ATP5F1A: variants seen among roughly 807,000 people sequenced by gnomAD.
ATP5F1A encodes the protein ATP synthase F1 subunit alpha.
Under a neutral mutation model 57.4 loss-of-function variants are expected in ATP5F1A, and 24 were observed. That is an observed-to-expected ratio of 0.42 (90% CI 0.30 to 0.59). ATP5F1A has a LOEUF of 0.59. ATP5F1A is among the 20% of genes least tolerant of loss of function. ATP5F1A has a pLI of 0.19. For missense variants in ATP5F1A, 494 were observed against 707.9 expected (o/e 0.70, Z 3.43); for synonymous variants, 251 against 255.5 (o/e 0.98, Z 0.17).
At chr18:46,100,704 T>G (rs894110337), upstream of ATP5F1A, among the ~76,000 whole-genome samples, 8 of 152,224 alleles carry the variant, frequency 5.3e-5, no homozygotes, top group African/African-American at 1.9e-4. Context: ...AAGTTTTGAT[T>G]GGCAAGTAAT....
chr18:46,091,547 T>C (rs1448733749), intron 3 of ATP5F1A, 135 bp downstream of exon 3: 7 of 965,352 alleles, frequency 7.3e-6, no homozygotes, highest in Admixed American at 3.3e-5. Context: ...TTACAATCTA[T>C]GATAATAACA....
chr18:46,091,948 A>G (rs552921694), intron 2 of ATP5F1A, 97 bp from the exon 3 acceptor site: 1 of 1,188,428 alleles, frequency 8.4e-7, no homozygotes, highest in Admixed American at 2.8e-5. Context: ...TGAGGCAGGC[A>G]GATCACCTAA....
At chr18:46,092,273 CAA>C (rs1910622377) in intron 2 of ATP5F1A, 1 of 150,686 alleles carries the variant, frequency 6.6e-6, no homozygotes. Flanking sequence ...TTCTCAACAA[CAA>C]AAAACTAGTT....
upstream of ATP5F1A, chr18:46,098,362 A>AGGGGGGGGGGGGGGGGGGGGGGGGG: frequency 1.6e-6 from 2 of 1,281,404 alleles, no homozygotes; most frequent in Middle Eastern, 2.9e-4. Context: ...CCTCGCGTTC[A>AGGGGGGGGGGGGGGGGGGGGGGGGG]CCACCTCTCC....
At position 46,082,488 on chromosome 18, in the gene ATP5F1A, A is replaced by G. The variant is rs1260864789; in HGVS notation, c.*1794T>C. The G allele has an allele frequency of 2.0e-5, 3 of 151,448 alleles. No individual in the cohort carries two copies. 9.4% of individuals were successfully genotyped at this position (151,448 alleles called of 1,614,324 possible). ...ATCACAAGGTCAGGAGTTCGAGACC[A>G]GCCTGGCCAATATGGTGAAACCCCG... is the stretch of plus-strand genomic sequence containing the variant. On this transcript the variant is annotated 3_prime_UTR_variant, in exon 12 of 12. Coordinates refer to ENST00000398752, the MANE Select transcript of ATP5F1A (RefSeq NM_004046.6).
At position 46,087,348 on chromosome 18, in the gene ATP5F1A, G is replaced by A; in HGVS notation, c.944C>T (p.Ser315Phe). 6.2e-7 allele frequency: 1 copy of A among 1,614,056 alleles called. No homozygotes were observed. The highest frequency in any genetic ancestry group is 1.3e-5 in the African/African-American group (1 of 74,990). ...KHALIIYDDL[S>F]KQAVAYRQMS... ...AAATTTATTTCCTTTGACCTGTTTG[G>A]ATAAGTCGTCATAGATGATCAAAGC... Residue 315 changes from serine to phenylalanine, a missense_variant, in exon 7 of 12, where the codon TCC becomes TTC. Coordinates refer to ENST00000398752, the MANE Select transcript of ATP5F1A (RefSeq NM_004046.6).
At chr18:46,087,535 A>C (rs774229570) in intron 6 of ATP5F1A, 43 bp from the exon 7 acceptor site, 1 of 1,595,224 alleles carries the variant, frequency 6.3e-7, no homozygotes, top group South Asian at 1.1e-5. Flanking sequence ...TTGTGGTTTT[A>C]AATTGGAGGC....
intron 2 of ATP5F1A, among the ~76,000 whole-genome samples, chr18:46,093,984 G>C (rs183954583): frequency 6.6e-6 from 1 of 151,850 alleles, no homozygotes; most frequent in Non-Finnish European, 1.5e-5. Flanking sequence ...GTGGGCACCT[G>C]TAATCCCACC....
At position 46,081,266 on chromosome 18, in the gene ATP5F1A, G is replaced by A. The variant is rs1172435616; in HGVS notation, c.*3016C>T. The A allele has an allele frequency of 2.7e-5, 4 of 150,690 alleles. No individual in the cohort carries two copies. Among genetic ancestry groups the A allele is most frequent in the Non-Finnish European group, 5.9e-5 (4 of 67,858 alleles). 9.3% of individuals were successfully genotyped at this position (150,690 alleles called of 1,614,324 possible). On this transcript the variant is annotated 3_prime_UTR_variant, in exon 12 of 12. Transcript: ENST00000398752. ...CATTTACGTGCCAGGAGTGGGCTACGAGATCCAGTCAACAAACAAACAATA... is the reference window on the plus strand; with the variant it reads ...CATTTACGTGCCAGGAGTGGGCTACAAGATCCAGTCAACAAACAAACAATA...
intron 7 of ATP5F1A, 35 bp downstream of exon 7, chr18:46,087,306 A>T: frequency 6.2e-7 from 1 of 1,612,762 alleles, no homozygotes; most frequent in East Asian, 2.2e-5. Flanking sequence ...ACTTCAGTAC[A>T]AATAAATGGA....
In ATP5F1A at chr18:46,087,401, T is replaced by C. The variant is rs560164970; in HGVS notation, c.891A>G (p.Gly297=). 1 of 1,614,092 alleles carries C rather than the reference T, an allele frequency of 6.2e-7. No homozygotes were observed. The highest frequency in any genetic ancestry group is 1.3e-5 in the African/African-American group (1 of 75,000). Residue 297 remains glycine, a synonymous_variant, in exon 7 of 12, where the codon GGA becomes GGG. Coordinates refer to ENST00000398752, the MANE Select transcript of ATP5F1A (RefSeq NM_004046.6). ...GTTTGCCATTGTCTCTAAAATACTC[T>C]CCCATGGAACAGCCAGAGTAAGGAG... The part of the protein sequence containing the change: ...YLAPYSGCSM[G]EYFRDNGKHA...
In ATP5F1A at chr18:46,089,970, G is replaced by A. The variant is rs1331846491; in HGVS notation, c.336C>T (p.Asp112=). Residue 112 remains aspartate, a synonymous_variant, in exon 4 of 12, where the codon GAC becomes GAT. Transcript: ENST00000398752. ...LKGMSLNLEP[D]NVGVVVFGND... ...TTCCAAACACGACAACACCAACATT[G>A]TCAGGTTCCAAGTTCAAGGACATAC... The A allele has an allele frequency of 6.2e-7, 1 of 1,600,458 alleles. No homozygotes were observed. The highest frequency in any genetic ancestry group is 8.5e-7 in the Non-Finnish European group (1 of 1,174,236).
chr18:46,087,471 A>C lies in ATP5F1A; in HGVS notation c.821T>G (p.Val274Gly). ...AGCATCCGAGGCCGTAGCCGACACCACAATGGTGTACTTCATGGCATCTGA... is the reference window on the plus strand; with the variant it reads ...AGCATCCGAGGCCGTAGCCGACACCCCAATGGTGTACTTCATGGCATCTGA... ...TDADAMKYTI[V>G]VSATASDAAP... Residue 274 changes from valine to glycine, a missense_variant, in exon 7 of 12, where the codon GTG (valine) becomes GGG (glycine). Val to Gly is a moderately radical substitution (Grantham distance 109, BLOSUM62 -3). Coordinates refer to ENST00000398752, the MANE Select transcript of ATP5F1A (RefSeq NM_004046.6). The C allele has an allele frequency of 6.2e-7, 1 of 1,614,170 alleles. No individual in the cohort carries two copies. The highest frequency in any genetic ancestry group is 8.5e-7 in the Non-Finnish European group (1 of 1,180,040).
At position 46,082,144 on chromosome 18, in the gene ATP5F1A, G is replaced by T. The variant is rs1909789068; in HGVS notation, c.*2138C>A. On this transcript the variant is annotated 3_prime_UTR_variant, in exon 12 of 12. Coordinates refer to ENST00000398752, the MANE Select transcript of ATP5F1A (RefSeq NM_004046.6). ...CAAGCCTGTAATCCCAGCACTTTGG[G>T]AGGCCGAGGTAAGTGGATCATGAGG... 1 of 151,350 alleles carries T rather than the reference G, an allele frequency of 6.6e-6. No individual in the cohort carries two copies. 9.4% of individuals were successfully genotyped at this position (151,350 alleles called of 1,614,324 possible).
chr18:46,099,521 C>G (rs1911202334), upstream of ATP5F1A, among the ~76,000 whole-genome samples: 1 of 151,838 alleles, frequency 6.6e-6, no homozygotes. Flanking sequence ...GGGTTTATCA[C>G]CATTCATTGC....
rs34716753 is a variant in ATP5F1A at position 46,081,660 on chromosome 18, CAAAAA to C, written c.*2617_*2621del. 1.9e-4 allele frequency: 14 copies of C among 73,982 alleles called. No individual in the cohort carries two copies. The East Asian group carries it at 3.3e-3, about 17-fold the overall frequency. 4.6% of individuals were successfully genotyped at this position (73,982 alleles called of 1,614,324 possible). A position where few individuals can be genotyped will look rare whatever the true frequency, so the allele number is the denominator to read the frequency against. ...GCCTGGGCAACAAGAGCAAAACTCTCAAAAAAAAAAAACAAAAAAAAAAAAAAAAA... is the reference window on the plus strand; with the variant it reads ...GCCTGGGCAACAAGAGCAAAACTCTCAAAAAAACAAAAAAAAAAAAAAAAA... On this transcript the variant is annotated 3_prime_UTR_variant, in exon 12 of 12. Transcript: ENST00000398752.
intron 1 of ATP5F1A, among the ~76,000 whole-genome samples, chr18:46,097,089 C>T (rs765285137): frequency 1.3e-5 from 2 of 150,416 alleles, no homozygotes; most frequent in East Asian, 3.9e-4. Flanking sequence ...ACTCTCTCAA[C>T]AAATCCTGCA....
At chr18:46,085,888 G>A in intron 10 of ATP5F1A, 1 of 518,872 alleles carries the variant, frequency 1.9e-6, no homozygotes. Context: ...AGCCAAGGTT[G>A]CGCCATTGCA....
intron 5 of ATP5F1A, 101 bp downstream of exon 5, chr18:46,089,465 T>G: frequency 7.4e-7 from 1 of 1,357,144 alleles, no homozygotes; most frequent in South Asian, 1.4e-5. Context: ...TCGTATTAGA[T>G]TCTAATGTCC....
Sources: allele counts gnomAD v4.1 joint callset (sites outside exome capture counted in the v4.1 genomes callset), GRCh38; gene constraint gnomAD v4.1.1; transcripts MANE v1.5; gene names NCBI Gene and HGNC (gene_info 2026-07-23, HGNC 2026-07-21).